The following NEO1 variants were observed in gnomAD, a reference collection of about 807,000 sequenced individuals.
The protein encoded by NEO1 is neogenin.
A neutral mutation model predicts 159.7 loss-of-function variants in NEO1; 63 were observed. That is an observed-to-expected ratio of 0.39 (90% CI 0.32 to 0.49). NEO1 has a LOEUF of 0.49. Ranked by LOEUF, NEO1 falls within the 20% of genes least tolerant of loss-of-function variation. The pLI is 0.85. For missense variants in NEO1, 1,615 were observed against 1,831.0 expected, an observed-to-expected ratio of 0.88 and a Z score of 2.15; for synonymous variants, 633 against 662.0, an observed-to-expected ratio of 0.96 and a Z score of 0.67.
intron 23 of NEO1, among the ~76,000 whole-genome samples, chr15:73,286,471 A>G (rs1177412277): frequency 6.6e-6 from 1 of 151,916 alleles, no homozygotes; most frequent in Non-Finnish European, 1.5e-5. Flanking sequence ...CTGGGCCTGG[A>G]CTTACTCTCT....
At chr15:73,113,888 G>T (rs1371770382) in intron 1 of NEO1, among the ~76,000 whole-genome samples, 4 of 147,200 alleles carry the variant, frequency 2.7e-5, no homozygotes, top group Non-Finnish European at 6.2e-5. Flanking sequence ...CATTTTGTTT[G>T]AACCTAACTG....
intron 7 of NEO1, among the ~76,000 whole-genome samples, chr15:73,232,516 C>T (rs891080844): frequency 3.3e-5 from 5 of 152,134 alleles, no homozygotes; most frequent in African/African-American, 7.2e-5. Context: ...TGCTTTCTAC[C>T]GGGCTCTCTC....
At chr15:73,295,143 TGTAA>T (rs1283120391) in intron 26 of NEO1, among the ~76,000 whole-genome samples, 3 of 136,240 alleles carry the variant, frequency 2.2e-5, no homozygotes, top group African/African-American at 8.2e-5. Context: ...TATATATATA[TGTAA>T]AAATTTGGCC....
chr15:73,170,359 T>C (rs751119291), intron 5 of NEO1, among the ~76,000 whole-genome samples: 2 of 152,188 alleles, frequency 1.3e-5, no homozygotes, highest in African/African-American at 4.8e-5. Context: ...AAGATTCAGC[T>C]AAAAGCTACA....
intron 23 of NEO1, among the ~76,000 whole-genome samples, chr15:73,286,513 T>A (rs1481983590): frequency 5.3e-5 from 8 of 152,312 alleles, no homozygotes; most frequent in African/African-American, 1.7e-4. Flanking sequence ...AGTGATCTCA[T>A]CTGCTCCCGT....
At chr15:73,230,678 C>T (rs2038859546) in intron 7 of NEO1, among the ~76,000 whole-genome samples, 1 of 152,188 alleles carries the variant, frequency 6.6e-6, no homozygotes, top group African/African-American at 2.4e-5. Context: ...GCAGCCTCAA[C>T]CTCCTGCATT....
intron 2 of NEO1, among the ~76,000 whole-genome samples, chr15:73,118,676 C>T (rs887682164): frequency 6.6e-6 from 1 of 152,118 alleles, no homozygotes; most frequent in Non-Finnish European, 1.5e-5. Flanking sequence ...CAAGCAGCAC[C>T]GTAGAAGGTG....
intron 7 of NEO1, among the ~76,000 whole-genome samples, chr15:73,195,220 A>C (rs2036469900): frequency 6.6e-6 from 1 of 152,240 alleles, no homozygotes. Context: ...TAAAGAAAGA[A>C]TCTATTATGC....
At chr15:73,151,554 C>T (rs1453465610) in intron 5 of NEO1, among the ~76,000 whole-genome samples, 1 of 152,132 alleles carries the variant, frequency 6.6e-6, no homozygotes, top group Non-Finnish European at 1.5e-5. Flanking sequence ...GCTAGGGAGG[C>T]CTCGGGAAAC....
At chr15:73,206,748 A>T (rs370058296) in intron 7 of NEO1, among the ~76,000 whole-genome samples, 1 of 151,978 alleles carries the variant, frequency 6.6e-6, no homozygotes, top group South Asian at 2.1e-4. Flanking sequence ...TTTTGTTTTC[A>T]CCAAACCACT....
chr15:73,179,196 T>C (rs2035456221), intron 7 of NEO1, among the ~76,000 whole-genome samples: 1 of 152,110 alleles, frequency 6.6e-6, no homozygotes. Flanking sequence ...GGGATTGGAG[T>C]AACAAAGGTT....
rs1428163932 is a variant in NEO1, at chr15:73,222,294, C to T, written c.1292-14053C>T. Among the ~76,000 whole-genome samples, 164 of 151,354 alleles carry T rather than the reference C, an allele frequency of 1.1e-3. 3 individuals carry two copies. Among genetic ancestry groups the T allele is most frequent in the Admixed American group, 0.011 (160 of 15,164 alleles). ...TAATTTTTTGTATTTTTAGTAGAGA[C>T]GGGGTTTCACCGTGTTAGCCAGGAT... On this transcript the variant is annotated intron_variant, in intron 7 of 28. Transcript: ENST00000261908.
intron 1 of NEO1, among the ~76,000 whole-genome samples, chr15:73,072,790 A>G (rs772097577): frequency 6.6e-6 from 1 of 152,110 alleles, no homozygotes; most frequent in Non-Finnish European, 1.5e-5. Flanking sequence ...ACAGAGGTAA[A>G]TTGGATTAGC....
At chr15:73,239,235 T>A (rs1031872122) in intron 8 of NEO1, among the ~76,000 whole-genome samples, 5 of 152,150 alleles carry the variant, frequency 3.3e-5, no homozygotes, top group African/African-American at 1.2e-4. Context: ...GGAAAACCAC[T>A]CTAGGTTATT....
At chr15:73,138,122 A>G (rs910173505) in intron 5 of NEO1, among the ~76,000 whole-genome samples, 1 of 152,220 alleles carries the variant, frequency 6.6e-6, no homozygotes, top group African/African-American at 2.4e-5. Flanking sequence ...AACATACAAT[A>G]ATGTATAATT....
intron 1 of NEO1, among the ~76,000 whole-genome samples, chr15:73,062,158 A>G (rs981368670): frequency 1.3e-5 from 2 of 152,084 alleles, no homozygotes; most frequent in African/African-American, 4.8e-5. Flanking sequence ...CTGTTTCCAC[A>G]CTTCCTTGCC....
intron 7 of NEO1, among the ~76,000 whole-genome samples, chr15:73,230,990 A>C (rs1343802721): frequency 6.6e-6 from 1 of 152,140 alleles, no homozygotes; most frequent in Admixed American, 6.5e-5. Flanking sequence ...GGGTTTTCTC[A>C]GATTTCTTTT....
chr15:73,301,334 C>A lies in NEO1; in HGVS notation c.4179C>A (p.His1393Gln), dbSNP rs538953447. ...CTTTCCCCTCAGCTCTGAACCATCA[C>A]ATTCACTCAGTGAAGACAGCCTCCA... ...PLLSQQALNH[H>Q]IHSVKTASIG... Residue 1393 changes from histidine to glutamine, a missense_variant, in exon 28 of 29, where the codon CAC (histidine) becomes CAA (glutamine). Transcript: ENST00000261908. The A allele has an allele frequency of 6.2e-7, 1 of 1,614,230 alleles. No homozygotes were observed. The highest frequency in any genetic ancestry group is 8.5e-7 in the Non-Finnish European group (1 of 1,180,044).
chr15:73,062,670 AAG>A (rs1258133440), intron 1 of NEO1, among the ~76,000 whole-genome samples: 1 of 152,212 alleles, frequency 6.6e-6, no homozygotes, highest in Non-Finnish European at 1.5e-5. Context: ...TTTTGGTTTG[AAG>A]TGATTAAGTT....
Sources: allele counts gnomAD v4.1 joint callset (sites outside exome capture counted in the v4.1 genomes callset), GRCh38; gene constraint gnomAD v4.1.1; transcripts MANE v1.5; gene names NCBI Gene and HGNC (gene_info 2026-07-23, HGNC 2026-07-21).